Variants in CCSER1 observed in about 807,000 individuals in gnomAD.
CCSER1 encodes the protein coiled-coil serine rich protein 1, also known as serine-rich coiled-coil domain-containing protein 1.
CCSER1 carries 41 observed loss-of-function variants against 82.0 expected under a neutral mutation model. The ratio of observed to expected loss-of-function variants is 0.50; its 90% CI spans 0.39 to 0.65. CCSER1 has a LOEUF of 0.65. Ranked by LOEUF, CCSER1 falls within the 30% of genes least tolerant of loss-of-function variation. The pLI is 0.00. For missense variants in CCSER1, 1,119 were observed against 1,064.2 expected (o/e 1.05, Z -0.72); for synonymous variants, 414 against 383.9 (o/e 1.08, Z -0.92).
chr4:90,609,124 G>A (rs1468447716), intron 5 of CCSER1, among the ~76,000 whole-genome samples: 1 of 151,930 alleles, frequency 6.6e-6, no homozygotes, highest in Non-Finnish European at 1.5e-5. Flanking sequence ...CATAATAGAA[G>A]TGTGATTAAT....
chr4:90,492,118 T>C (rs948880700), intron 5 of CCSER1, among the ~76,000 whole-genome samples: 2 of 152,152 alleles, frequency 1.3e-5, no homozygotes, highest in Admixed American at 1.3e-4. Flanking sequence ...GTACCTCTGG[T>C]AGAATTTGGG....
chr4:91,089,008 C>T (rs1051662486), intron 10 of CCSER1, among the ~76,000 whole-genome samples: 12 of 151,992 alleles, frequency 7.9e-5, no homozygotes, highest in African/African-American at 2.2e-4. Context: ...TGTAGCAGGA[C>T]GAGCCATGGA....
At chr4:91,228,496 T>A (rs528958141) in intron 10 of CCSER1, among the ~76,000 whole-genome samples, 192 of 152,018 alleles carry the variant, frequency 1.3e-3, no homozygotes, top group African/African-American at 4.5e-3. Context: ...AACAAAAAAA[T>A]TTTAAAGAAA....
chr4:91,051,649 A>C (rs978229549), intron 9 of CCSER1, among the ~76,000 whole-genome samples: 5 of 152,164 alleles, frequency 3.3e-5, no homozygotes, highest in African/African-American at 1.2e-4. Context: ...AAATTGTGCT[A>C]GGATAAAATG....
At position 91,508,165 on chromosome 4, in the gene CCSER1, T is replaced by TG. The variant is rs1560725314; in HGVS notation, c.2218-90407_2218-90406insG. Among the ~76,000 whole-genome samples the TG allele has an allele frequency of 2.6e-4, 37 of 145,024 alleles. 1 individual carries two copies. Among genetic ancestry groups the TG allele is most frequent in the African/African-American group, 8.7e-4 (35 of 40,020 alleles). On this transcript the variant is annotated intron_variant, in intron 10 of 10. Coordinates refer to ENST00000509176, the MANE Select transcript of CCSER1 (RefSeq NM_001145065.2). Reference sequence around the variant, plus strand: ...ATCCTTTTTTTTTTTTTTCTGGGTTTTTTTTTTTTTTTTTCCTGATCTTGG... The same window carrying TG: ...ATCCTTTTTTTTTTTTTTCTGGGTTTGTTTTTTTTTTTTTTCCTGATCTTGG...
At chr4:91,568,521 A>AC (rs1231519134) in intron 10 of CCSER1, among the ~76,000 whole-genome samples, 2 of 151,884 alleles carry the variant, frequency 1.3e-5, no homozygotes, top group African/African-American at 4.8e-5. Flanking sequence ...ATAATCTCAT[A>AC]CTTCTTGGAA....
chr4:90,333,918 T>C lies in CCSER1; in HGVS notation c.1509+20871T>C, dbSNP rs902466035. ...TTTGTATCATCATTGGATACAAATT[T>C]GCAAGTTACCTTTTAACTTCACTGA... On this transcript the variant is annotated intron_variant, in intron 3 of 10. Coordinates refer to ENST00000509176, the MANE Select transcript of CCSER1 (RefSeq NM_001145065.2). Among the ~76,000 whole-genome samples, 8 of 152,210 alleles carry C rather than the reference T, an allele frequency of 5.3e-5. 1 individual carries two copies. Among genetic ancestry groups the C allele is most frequent in the African/African-American group, 1.9e-4 (8 of 41,450 alleles).
At chr4:90,536,010 T>C (rs1775283704) in intron 5 of CCSER1, among the ~76,000 whole-genome samples, 1 of 151,132 alleles carries the variant, frequency 6.6e-6, no homozygotes. Flanking sequence ...TTGACACTAA[T>C]ATTTCTTTTT....
intron 5 of CCSER1, among the ~76,000 whole-genome samples, chr4:90,611,485 A>G (rs1302199709): frequency 1.3e-5 from 2 of 151,938 alleles, no homozygotes; most frequent in African/African-American, 4.8e-5. Context: ...GAGAGAATAA[A>G]ATGATCCCAG....
At chr4:90,600,565 A>G (rs2148748744) in intron 5 of CCSER1, among the ~76,000 whole-genome samples, 2 of 152,180 alleles carry the variant, frequency 1.3e-5, no homozygotes, top group Middle Eastern at 6.8e-3. Flanking sequence ...ATACATGTCA[A>G]TTATTAGATA....
intron 10 of CCSER1, among the ~76,000 whole-genome samples, chr4:91,131,264 A>G (rs1292296923): frequency 6.6e-6 from 1 of 151,416 alleles, no homozygotes; most frequent in East Asian, 1.9e-4. Context: ...GGATCAAATT[A>G]AGGGTGATGT....
intron 5 of CCSER1, among the ~76,000 whole-genome samples, chr4:90,564,449 A>G (rs1047077331): frequency 6.6e-6 from 1 of 152,208 alleles, no homozygotes; most frequent in Non-Finnish European, 1.5e-5. Flanking sequence ...TATAGTTTAC[A>G]ACTATTTTCT....
Position 91,599,192 on chromosome 4 carries a change from C to A in CCSER1, c.*135C>A. ...AGAGTTGTGTTGTTGGGTTTTTTTT[C>A]TTAGTCATAAACAAAGACTTGTGGG... On this transcript the variant is annotated 3_prime_UTR_variant, in exon 11 of 11. Coordinates refer to ENST00000509176, the MANE Select transcript of CCSER1 (RefSeq NM_001145065.2). 1 of 1,145,928 alleles carries A rather than the reference C, an allele frequency of 8.7e-7. No homozygotes were observed. The highest frequency in any genetic ancestry group is 2.7e-5 in the East Asian group (1 of 37,652). The allele number at this position is 1,145,928 out of a possible 1,614,324, so 71.0% of individuals were successfully genotyped here.
At chr4:91,531,437 T>A (rs1172740041) in intron 10 of CCSER1, among the ~76,000 whole-genome samples, 1 of 152,162 alleles carries the variant, frequency 6.6e-6, no homozygotes. Flanking sequence ...TCTTTGGAGT[T>A]TAAAGTTTAA....
intron 9 of CCSER1, among the ~76,000 whole-genome samples, chr4:90,958,491 A>C (rs1201645113): frequency 6.7e-6 from 1 of 148,896 alleles, no homozygotes; most frequent in Non-Finnish European, 1.5e-5. Flanking sequence ...TTATGGTAAA[A>C]CATTTTTTTT....
intron 10 of CCSER1, among the ~76,000 whole-genome samples, chr4:91,507,572 A>G (rs1178847449): frequency 1.3e-5 from 2 of 151,606 alleles, no homozygotes; most frequent in East Asian, 2.0e-4. Context: ...GGAATCATCT[A>G]TTCACATCTT....
chr4:90,208,630 G>A (rs1326514351), intron 1 of CCSER1, among the ~76,000 whole-genome samples: 1 of 152,154 alleles, frequency 6.6e-6, no homozygotes. Flanking sequence ...GGTCCCTGGT[G>A]ATGTAGGCAC....
intron 5 of CCSER1, among the ~76,000 whole-genome samples, chr4:90,481,062 G>C (rs1327839521): frequency 1.3e-5 from 2 of 152,052 alleles, no homozygotes; most frequent in African/African-American, 4.8e-5. Flanking sequence ...CTTGAGCAGT[G>C]GTTTGAAGTT....
intron 9 of CCSER1, among the ~76,000 whole-genome samples, chr4:90,976,030 A>T (rs757378451): frequency 2.6e-5 from 4 of 151,210 alleles, no homozygotes; most frequent in Non-Finnish European, 5.9e-5. Context: ...CTCCCTTTGT[A>T]CTGGTGACTT....
Sources: allele counts gnomAD v4.1 joint callset (sites outside exome capture counted in the v4.1 genomes callset), GRCh38; gene constraint gnomAD v4.1.1; transcripts MANE v1.5; gene names NCBI Gene and HGNC (gene_info 2026-07-23, HGNC 2026-07-21).